The following CYP7B1 variants were observed in gnomAD, a reference collection of about 807,000 sequenced individuals.
CYP7B1 encodes cytochrome P450 family 7 subfamily B member 1.
A neutral mutation model predicts 42.7 loss-of-function variants in CYP7B1; 29 were observed. The ratio of observed to expected loss-of-function variants is 0.68; its 90% CI spans 0.51 to 0.93. CYP7B1 has a LOEUF of 0.93. Among genes scored for constraint, CYP7B1 ranks in the 40% least tolerant of loss-of-function variants. CYP7B1 has a pLI of 0.00. For synonymous variants in CYP7B1, 235 were observed against 218.2 expected (o/e 1.08, Z -0.68); for missense variants, 655 against 600.5 (o/e 1.09, Z -0.95).
At chr8:64,602,995 G>C (rs1431579747) in intron 5 of CYP7B1, among the ~76,000 whole-genome samples, 1 of 152,056 alleles carries the variant, frequency 6.6e-6, no homozygotes, top group Non-Finnish European at 1.5e-5. Context: ...GGAAACAATG[G>C]CGTGACAATA....
chr8:64,615,647 T>C, intron 3 of CYP7B1, 44 bp downstream of exon 3: 2 of 1,577,404 alleles, frequency 1.3e-6, no homozygotes, highest in South Asian at 2.2e-5. Flanking sequence ...AGGTCTATTG[T>C]AAATGATTTT....
At chr8:64,625,059 C>A (rs549172862) in intron 1 of CYP7B1, among the ~76,000 whole-genome samples, 1 of 143,502 alleles carries the variant, frequency 7.0e-6, no homozygotes, top group Admixed American at 7.3e-5. Flanking sequence ...CTGCAAGCTG[C>A]GCCTCCCGGG....
At chr8:64,657,819 A>G (rs1806143797) in intron 1 of CYP7B1, among the ~76,000 whole-genome samples, 1 of 152,202 alleles carries the variant, frequency 6.6e-6, no homozygotes. Context: ...GGATGACAAA[A>G]ATAACAGTGT....
intron 1 of CYP7B1, among the ~76,000 whole-genome samples, chr8:64,725,189 T>G (rs1173748698): frequency 6.6e-6 from 1 of 152,242 alleles, no homozygotes; most frequent in Non-Finnish European, 1.5e-5. Flanking sequence ...CAGTGTTCTC[T>G]GAGTCTTTGG....
intron 1 of CYP7B1, among the ~76,000 whole-genome samples, chr8:64,630,560 G>C (rs1805680688): frequency 1.3e-5 from 2 of 152,190 alleles, no homozygotes; most frequent in South Asian, 4.1e-4. Flanking sequence ...TGCCTGAACT[G>C]TTTCTTTTGT....
chr8:64,720,169 T>C (rs1807216091), intron 1 of CYP7B1, among the ~76,000 whole-genome samples: 1 of 152,134 alleles, frequency 6.6e-6, no homozygotes, highest in African/African-American at 2.4e-5. Context: ...CCATTATAAA[T>C]AGAGATTTTT....
intron 5 of CYP7B1, among the ~76,000 whole-genome samples, chr8:64,597,490 A>G (rs1040973071): frequency 6.6e-6 from 1 of 152,244 alleles, no homozygotes; most frequent in African/African-American, 2.4e-5. Flanking sequence ...AAAGCACTAG[A>G]GAGGAACTAA....
At chr8:64,724,785 C>T (rs1807297600) in intron 1 of CYP7B1, among the ~76,000 whole-genome samples, 1 of 152,150 alleles carries the variant, frequency 6.6e-6, no homozygotes, top group Non-Finnish European at 1.5e-5. Context: ...TGCCCTCCTG[C>T]CCTCCTGTTT....
At chr8:64,733,254 G>A (rs1807440302) in intron 1 of CYP7B1, among the ~76,000 whole-genome samples, 1 of 152,122 alleles carries the variant, frequency 6.6e-6, no homozygotes. Context: ...TAAGAGATGG[G>A]TCCCCCTACT....
intron 1 of CYP7B1, among the ~76,000 whole-genome samples, chr8:64,797,382 A>T (rs2129742196): frequency 6.6e-6 from 1 of 152,284 alleles, no homozygotes; most frequent in Admixed American, 6.5e-5. Flanking sequence ...AGAAGGTGGA[A>T]CCTACATAGA....
chr8:64,596,967 T>A, intron 5 of CYP7B1, 38 bp from the exon 6 acceptor site: 2 of 1,551,552 alleles, frequency 1.3e-6, no homozygotes, highest in African/African-American at 1.4e-5. Flanking sequence ...ACATTTTATA[T>A]GAAATAGTTT....
At chr8:64,797,170 T>G (rs1804717609) in intron 1 of CYP7B1, among the ~76,000 whole-genome samples, 1 of 152,196 alleles carries the variant, frequency 6.6e-6, no homozygotes, top group South Asian at 2.1e-4. Flanking sequence ...CCTTGCCCTT[T>G]TGCCTTCCTG....
intron 1 of CYP7B1, among the ~76,000 whole-genome samples, chr8:64,634,493 C>T (rs892265487): frequency 6.6e-6 from 1 of 151,062 alleles, no homozygotes; most frequent in Non-Finnish European, 1.5e-5. Flanking sequence ...GCAGGAGAAT[C>T]GCTTGAACCT....
chr8:64,763,173 C>A (rs1484921672), intron 1 of CYP7B1, among the ~76,000 whole-genome samples: 2 of 152,196 alleles, frequency 1.3e-5, no homozygotes, highest in African/African-American at 4.8e-5. Flanking sequence ...TCCAGCAAGG[C>A]GCCCATTGCT....
Position 64,774,404 on chromosome 8 carries a change from T to C in CYP7B1, c.122+24062A>G, listed in dbSNP as rs576189803. Among the ~76,000 whole-genome samples, 8 of 152,304 alleles carry C rather than the reference T, an allele frequency of 5.3e-5. No individual in the cohort carries two copies. The South Asian group carries it at 1.7e-3, about 32-fold the overall frequency. On this transcript the variant is annotated intron_variant, in intron 1 of 5. Coordinates refer to ENST00000310193, the MANE Select transcript of CYP7B1 (RefSeq NM_004820.5). ...GACTAATAGATTAGGAAGCTGGATA[T>C]TGGGGTATCAACAGTCCCTTTCTTT...
chr8:64,786,905 C>T (rs993665402), intron 1 of CYP7B1, among the ~76,000 whole-genome samples: 1 of 152,250 alleles, frequency 6.6e-6, no homozygotes, highest in African/African-American at 2.4e-5. Flanking sequence ...TGTGCACCCA[C>T]AGGCTCAACA....
intron 1 of CYP7B1, among the ~76,000 whole-genome samples, chr8:64,656,076 G>A (rs1445997818): frequency 2.0e-5 from 3 of 152,100 alleles, no homozygotes; most frequent in Admixed American, 6.5e-5. Context: ...CTCAATACCT[G>A]GGTGATGAAA....
At chr8:64,721,001 T>C (rs1175314001) in intron 1 of CYP7B1, among the ~76,000 whole-genome samples, 2 of 151,648 alleles carry the variant, frequency 1.3e-5, no homozygotes, top group African/African-American at 4.8e-5. Flanking sequence ...AAATCTATTA[T>C]TTAAAACCAA....
chr8:64,588,971 C>T (rs1340803394), downstream of CYP7B1, among the ~76,000 whole-genome samples: 3 of 152,308 alleles, frequency 2.0e-5, no homozygotes, highest in South Asian at 6.2e-4. Flanking sequence ...ACTTTAATTT[C>T]CTTTGGAGAA....
Sources: gnomAD v4.1 joint callset for allele counts (sites outside exome capture counted in the v4.1 genomes callset) on GRCh38, gnomAD v4.1.1 for gene constraint, MANE v1.5 for transcripts, NCBI Gene and HGNC (gene_info 2026-07-23, HGNC 2026-07-21) for gene names.